The following CTNND1 variants were observed in gnomAD, a reference collection of about 807,000 sequenced individuals.
CTNND1 encodes the protein catenin delta 1.
A neutral mutation model predicts 112.1 loss-of-function variants in CTNND1; 16 were observed. The ratio of observed to expected loss-of-function variants is 0.14; its 90% confidence interval spans 0.10 to 0.22. CTNND1 has a LOEUF of 0.22. CTNND1 is among the 10% of genes least tolerant of loss of function. The pLI, the probability that CTNND1 is intolerant of heterozygous loss-of-function variation, is 1.00. For missense variants in CTNND1, 1,008 were observed against 1,257.0 expected, an observed-to-expected ratio of 0.80 and a Z score of 3.00; for synonymous variants, 420 against 446.5, an observed-to-expected ratio of 0.94 and a Z score of 0.75.
intron 2 of CTNND1, among the ~76,000 whole-genome samples, chr11:57,789,895 T>A (rs2060511332): frequency 6.6e-6 from 1 of 152,192 alleles, no homozygotes; most frequent in African/African-American, 2.4e-5. Flanking sequence ...AGGTTGAGGC[T>A]AATACTCCTT....
chr11:57,773,621 C>CT (rs879611637), intron 1 of CTNND1, among the ~76,000 whole-genome samples: 143 of 138,100 alleles, frequency 1.0e-3, no homozygotes, highest in Middle Eastern at 7.9e-3. Flanking sequence ...CTGGCTATGT[C>CT]TTTTTTTTTT....
At chr11:57,814,829 C>T (rs965088558) in intron 18 of CTNND1, among the ~76,000 whole-genome samples, 7 of 152,108 alleles carry the variant, frequency 4.6e-5, no homozygotes, top group Non-Finnish European at 1.0e-4. Context: ...TCCTGTTTTC[C>T]CTTGTCAGGT....
intron 2 of CTNND1, 29 bp downstream of exon 2, chr11:57,789,184 G>A: frequency 7.4e-7 from 1 of 1,344,072 alleles, no homozygotes. Flanking sequence ...TTATTAAGAA[G>A]GAAAAATCTT....
intron 12 of CTNND1, among the ~76,000 whole-genome samples, chr11:57,807,606 A>AG (rs1491383016): frequency 1.3e-5 from 1 of 79,576 alleles, no homozygotes; most frequent in African/African-American, 5.0e-5. Context: ...ACTCCGTCTC[A>AG]AAAAAAAAAA....
At chr11:57,807,453 A>C (rs778335325) in intron 12 of CTNND1, among the ~76,000 whole-genome samples, 7 of 152,180 alleles carry the variant, frequency 4.6e-5, no homozygotes, top group Non-Finnish European at 8.8e-5. Flanking sequence ...TAAAAATGCA[A>C]AAATTAGCTG....
intron 16 of CTNND1, 109 bp downstream of exon 16, chr11:57,810,332 T>C: frequency 1.3e-6 from 1 of 769,028 alleles, no homozygotes; most frequent in Non-Finnish European, 1.9e-6. Context: ...AAACCTATTT[T>C]TTTTTTCTTT....
chr11:57,815,744 T>C (rs2063898086), intron 19 of CTNND1, 171 bp from the exon 20 acceptor site: 1 of 772,782 alleles, frequency 1.3e-6, no homozygotes, highest in African/African-American at 1.7e-5. Flanking sequence ...CTGATCTACT[T>C]TCAAACATTA....
chr11:57,762,285 T>A (rs1380472057), intron 1 of CTNND1, among the ~76,000 whole-genome samples, 166 bp downstream of exon 1: 1 of 152,220 alleles, frequency 6.6e-6, no homozygotes, highest in Non-Finnish European at 1.5e-5. Flanking sequence ...CTTCTAGGTC[T>A]CTTTAATACA....
intron 1 of CTNND1, among the ~76,000 whole-genome samples, chr11:57,767,868 C>T (rs958168601): frequency 1.3e-5 from 2 of 148,224 alleles, no homozygotes; most frequent in Admixed American, 6.8e-5. Flanking sequence ...GAGTCTTGCT[C>T]TGTCTCCCAG....
Position 57,810,128 on chromosome 11 carries a change from G to C in CTNND1, c.2455G>C (p.Val819Leu). 6.2e-7 allele frequency: 1 copy of C among 1,610,362 alleles called. No homozygotes were observed. Among genetic ancestry groups the C allele is most frequent in the Non-Finnish European group, 8.5e-7 (1 of 1,178,852 alleles). ...NKSGNRSEKE[V>L]RAAALVLQTI... ...CCAAAGGAACCGCTCAGAAAAAGAAGTTCGAGCAGCAGCACTTGTATTACA... is the reference window on the plus strand; with the variant it reads ...CCAAAGGAACCGCTCAGAAAAAGAACTTCGAGCAGCAGCACTTGTATTACA... The change falls in exon 16 of 21, where the codon GTT (valine) becomes CTT (leucine). Residue 819 changes from valine to leucine, a missense_variant. Physicochemically the swap from Val to Leu is conservative, Grantham distance 32. Around this residue, in one of 5 missense-constraint regions of CTNND1, gnomAD observed 254 missense variants for 279.5 expected, o/e 0.91. Coordinates refer to ENST00000399050, the MANE Select transcript of CTNND1 (RefSeq NM_001085458.2).
At chr11:57,773,777 A>G (rs1953421450) in intron 1 of CTNND1, among the ~76,000 whole-genome samples, 1 of 151,726 alleles carries the variant, frequency 6.6e-6, no homozygotes, top group Non-Finnish European at 1.5e-5. Flanking sequence ...TCTCTACTAA[A>G]AAAAAAATAT....
intron 1 of CTNND1, among the ~76,000 whole-genome samples, chr11:57,783,598 G>A (rs1285679694): frequency 1.3e-5 from 2 of 151,886 alleles, no homozygotes; most frequent in Non-Finnish European, 1.5e-5. Context: ...GGCGGAGCTT[G>A]CAGTGAGCCG....
At chr11:57,767,425 A>G (rs1353607290) in intron 1 of CTNND1, among the ~76,000 whole-genome samples, 1 of 152,056 alleles carries the variant, frequency 6.6e-6, no homozygotes, top group Non-Finnish European at 1.5e-5. Flanking sequence ...TAACTGGTAT[A>G]CTCTTCATTT....
intron 1 of CTNND1, among the ~76,000 whole-genome samples, chr11:57,764,818 G>A (rs1014117416): frequency 7.9e-5 from 12 of 152,076 alleles, no homozygotes; most frequent in African/African-American, 2.9e-4. Flanking sequence ...ACAACAGCTC[G>A]AACTAAAACG....
At chr11:57,783,242 CGGCATTGCATCTGGGCGACAGAGCAA>C (rs2059768704) in intron 1 of CTNND1, among the ~76,000 whole-genome samples, 1 of 151,592 alleles carries the variant, frequency 6.6e-6, no homozygotes, top group African/African-American at 2.4e-5. Flanking sequence ...GCCGAGATGA[CGGCATTGCATCTGGGCGACAGAGCAA>C]GACTCCATCT....
chr11:57,792,968 T>C (rs2060936242), intron 3 of CTNND1, among the ~76,000 whole-genome samples: 1 of 152,054 alleles, frequency 6.6e-6, no homozygotes, highest in Non-Finnish European at 1.5e-5. Context: ...CTAGGATTTT[T>C]ACAGGAACTA....
chr11:57,782,950 C>T (rs1238010092), intron 1 of CTNND1, among the ~76,000 whole-genome samples: 5 of 152,162 alleles, frequency 3.3e-5, no homozygotes, highest in Non-Finnish European at 7.3e-5. Context: ...ATGAGTCTTC[C>T]CAGTGAAGTG....
In CTNND1 at chr11:57,788,946, C is replaced by T; in HGVS notation, c.-213-91C>T. On this transcript the variant is annotated intron_variant, in intron 1 of 20. Transcript: ENST00000399050. This position sits in a 1 kb window ranked among gnomAD's most constrained non-coding sequence, Gnocchi z 4.1. ...ATATTTTAAATTACTTCCTTTCATT[C>T]CTAATATTGCCCCTTGCTCTTCTTG... 1 of 902,762 alleles carries T rather than the reference C, an allele frequency of 1.1e-6. No individual in the cohort carries two copies. Among genetic ancestry groups the T allele is most frequent in the Admixed American group, 2.0e-5 (1 of 48,840 alleles). 55.9% of individuals were successfully genotyped at this position (902,762 alleles called of 1,614,324 possible).
At chr11:57,809,185 C>G (rs2063051748) in intron 14 of CTNND1, 89 bp from the exon 15 acceptor site, 1 of 936,292 alleles carries the variant, frequency 1.1e-6, no homozygotes, top group Non-Finnish European at 1.7e-6. Flanking sequence ...AGCACCTACA[C>G]TTGATATGAT....
Sources: allele counts gnomAD v4.1 joint callset (sites outside exome capture counted in the v4.1 genomes callset), GRCh38; gene constraint gnomAD v4.1.1; regional missense constraint gnomAD v4.1.1; non-coding constraint Gnocchi (gnomAD v3.1); transcripts MANE v1.5; gene names NCBI Gene and HGNC (gene_info 2026-07-23, HGNC 2026-07-21).